The following NIN variants were observed in gnomAD, a reference collection of about 807,000 sequenced individuals.
The protein encoded by NIN is glycogen synthase kinase 3 beta-interacting protein.
In NIN, 137 loss-of-function variants were observed where a neutral mutation model predicts 257.6. That is an observed-to-expected ratio of 0.53 (90% confidence interval 0.46 to 0.61). The LOEUF (loss-of-function observed/expected upper bound fraction) is 0.61. Ranked by LOEUF, NIN falls within the 20% of genes least tolerant of loss-of-function variation. The pLI is 0.00. For synonymous variants in NIN, 918 were observed against 919.8 expected (o/e 1.00, Z 0.04); for missense variants, 2,439 against 2,501.2 (o/e 0.98, Z 0.53).
At chr14:50,828,264 G>C (rs1164045541) in intron 2 of NIN, among the ~76,000 whole-genome samples, 1 of 152,148 alleles carries the variant, frequency 6.6e-6, no homozygotes, top group African/African-American at 2.4e-5. Flanking sequence ...TCCCAACTTT[G>C]TTTTTAAAGT....
intron 12 of NIN, among the ~76,000 whole-genome samples, chr14:50,768,261 G>C (rs1181033956): frequency 1.3e-5 from 2 of 152,016 alleles, no homozygotes; most frequent in African/African-American, 2.4e-5. Context: ...AATGTACTTA[G>C]AGCATTTAAA....
At chr14:50,764,877 TTGAA>T (rs778093987) in intron 14 of NIN, among the ~76,000 whole-genome samples, 3 of 151,770 alleles carry the variant, frequency 2.0e-5, no homozygotes, top group Non-Finnish European at 2.9e-5. Flanking sequence ...TGTTCTAAAA[TTGAA>T]TGCGGTGATG....
chr14:50,779,826 G>A (rs1190664391), intron 5 of NIN, among the ~76,000 whole-genome samples: 1 of 152,138 alleles, frequency 6.6e-6, no homozygotes, highest in Non-Finnish European at 1.5e-5. Flanking sequence ...GCAAGAATGA[G>A]CCTAGTGTAT....
At chr14:50,760,437 C>CTTTT (rs35995624) in intron 16 of NIN, 78 bp from the exon 17 acceptor site, 124 of 425,546 alleles carry the variant, frequency 2.9e-4, no homozygotes, top group African/African-American at 2.7e-3. Context: ...GCAGCAATTG[C>CTTTT]TTTTTTTTTT....
intron 5 of NIN, among the ~76,000 whole-genome samples, chr14:50,791,418 T>A (rs2043583964): frequency 6.6e-6 from 1 of 151,988 alleles, no homozygotes; most frequent in African/African-American, 2.4e-5. Context: ...TCACTTCTCA[T>A]CCACACTACT....
At chr14:50,769,027 T>G (rs1555384257) in intron 12 of NIN, among the ~76,000 whole-genome samples, 3 of 151,954 alleles carry the variant, frequency 2.0e-5, no homozygotes, top group Non-Finnish European at 4.4e-5. Context: ...GGGGAGAAAT[T>G]CACGAAATGA....
At chr14:50,815,435 G>A (rs182694282) in intron 3 of NIN, among the ~76,000 whole-genome samples, 2 of 152,336 alleles carry the variant, frequency 1.3e-5, no homozygotes, top group East Asian at 1.9e-4. Context: ...CTTTTATGCT[G>A]TTGGTGGGAG....
intron 2 of NIN, among the ~76,000 whole-genome samples, chr14:50,828,016 T>C (rs988815878): frequency 2.0e-5 from 3 of 151,232 alleles, no homozygotes; most frequent in Admixed American, 2.0e-4. Flanking sequence ...AAAAACGCCA[T>C]TAGCCTGGCA....
rs1254890729 is a variant in NIN, at chr14:50,727,139, C to CTAT, written c.6079-1076_6079-1074dup. 28 of 329,640 alleles carry CTAT rather than the reference C, an allele frequency of 8.5e-5. No homozygotes were observed. The South Asian group carries it at 2.5e-3, about 29-fold the overall frequency. 20.4% of individuals were successfully genotyped at this position (329,640 alleles called of 1,614,324 possible). Reference sequence around the variant, plus strand: ...TTCAAACATAAATACAAAATGATGTCTATTTGCCCAACAAAGCAAAACAAA... The same window carrying CTAT: ...TTCAAACATAAATACAAAATGATGTCTATTATTTGCCCAACAAAGCAAAACAAA... On this transcript the variant is annotated intron_variant, in intron 29 of 30. Transcript: ENST00000530997.
chr14:50,785,263 C>T (rs1456469371), intron 5 of NIN, among the ~76,000 whole-genome samples: 1 of 152,272 alleles, frequency 6.6e-6, no homozygotes, highest in Non-Finnish European at 1.5e-5. Flanking sequence ...AACGCCGGGC[C>T]AGCATCTGCA....
intron 29 of NIN, chr14:50,726,383 G>A (rs2040413951): frequency 4.0e-6 from 1 of 247,122 alleles, no homozygotes; most frequent in Admixed American, 5.0e-5. Context: ...GGACATCCAA[G>A]GTAACTTGGA....
At chr14:50,767,816 C>CAA (rs755570611) in intron 12 of NIN, among the ~76,000 whole-genome samples, 5 of 66,852 alleles carry the variant, frequency 7.5e-5, no homozygotes, top group Non-Finnish European at 1.2e-4. Context: ...GACTCCATCT[C>CAA]AAAAAAAAAA....
rs1330975862 is a variant in NIN at position 50,720,630 on chromosome 14, T to G, written c.*2833A>C. ...GGGAAGAATTCACATTTAAAACAGT[T>G]TAAAAAATCTGGATTTAGTAAGAGT... On this transcript the variant is annotated 3_prime_UTR_variant, in exon 31 of 31. Transcript: ENST00000530997. 9.7e-6 allele frequency: 2 copies of G among 206,242 alleles called. No homozygotes were observed. The highest frequency in any genetic ancestry group is 4.6e-5 in the African/African-American group (2 of 43,868). 12.8% of individuals were successfully genotyped at this position (206,242 alleles called of 1,614,324 possible). A position where few individuals can be genotyped will look rare whatever the true frequency, so the allele number is the denominator to read the frequency against.
intron 4 of NIN, among the ~76,000 whole-genome samples, chr14:50,796,956 C>G (rs560981349): frequency 6.6e-6 from 1 of 152,310 alleles, no homozygotes; most frequent in African/African-American, 2.4e-5. Context: ...AAAGCCAAAG[C>G]AATGAGGACC....
In NIN at chr14:50,771,407, T is replaced by C. The variant is rs1176807440; in HGVS notation, c.1043A>G (p.Asn348Ser). ...NLTELTLALE[N>S]ELLVTKNSIH... ...GCTGTTCTTGGTAACCAAAAGTTCA[T>C]TTTCAAGGGCCAGTGTTAATTCTGT... The change falls in exon 10 of 31, where the codon AAT becomes AGT. Residue 348 changes from asparagine to serine, a missense_variant. By Grantham distance (46) the Asn-to-Ser change is conservative. Coordinates refer to ENST00000530997, the MANE Select transcript of NIN (RefSeq NM_020921.4). 7 of 1,614,178 alleles carry C rather than the reference T, an allele frequency of 4.3e-6. No homozygotes were observed. Among genetic ancestry groups the C allele is most frequent in the Non-Finnish European group, 5.1e-6 (6 of 1,180,024 alleles).
chr14:50,794,199 C>G (rs1223502154), intron 4 of NIN, among the ~76,000 whole-genome samples: 1 of 152,200 alleles, frequency 6.6e-6, no homozygotes, highest in Non-Finnish European at 1.5e-5. Flanking sequence ...CATGTCCTTC[C>G]CTCTGGGACA....
chr14:50,767,599 T>A (rs369038458), intron 12 of NIN, among the ~76,000 whole-genome samples: 1 of 152,078 alleles, frequency 6.6e-6, no homozygotes, highest in Admixed American at 6.5e-5. Flanking sequence ...GGGCGGATCA[T>A]GAGGTCAGGA....
chr14:50,754,937 T>G (rs1165697523), intron 18 of NIN, 70 bp from the exon 19 acceptor site: 1 of 1,101,560 alleles, frequency 9.1e-7, no homozygotes, highest in Non-Finnish European at 1.3e-6. Flanking sequence ...TATTTTCTAG[T>G]AACTTCCAAA....
At chr14:50,728,776 A>G (rs2040540350) in intron 29 of NIN, among the ~76,000 whole-genome samples, 1 of 152,270 alleles carries the variant, frequency 6.6e-6, no homozygotes, top group South Asian at 2.1e-4. Flanking sequence ...AACTCTGAAT[A>G]CTTGAAAACC....
Sources: gnomAD v4.1 joint callset for allele counts (sites outside exome capture counted in the v4.1 genomes callset) on GRCh38, gnomAD v4.1.1 for gene constraint, MANE v1.5 for transcripts, NCBI Gene and HGNC (gene_info 2026-07-23, HGNC 2026-07-21) for gene names.